The following ASIC2 variants were observed in gnomAD, a reference collection of about 807,000 sequenced individuals.
The protein encoded by ASIC2 is acid-sensing ion channel 2.
ASIC2 carries 25 observed loss-of-function variants against 57.3 expected under a neutral mutation model. The ratio of observed to expected loss-of-function variants is 0.44; its 90% CI spans 0.32 to 0.61. The LOEUF is 0.61. Ranked by LOEUF, ASIC2 falls within the 20% of genes least tolerant of loss-of-function variation. ASIC2 has a pLI of 0.06. For synonymous variants in ASIC2, 319 were observed against 307.5 expected (o/e 1.04, Z -0.39); for missense variants, 641 against 738.1 (o/e 0.87, Z 1.52).
chr17:33,134,386 A>G (rs1221949879), intron 1 of ASIC2, among the ~76,000 whole-genome samples: 1 of 152,188 alleles, frequency 6.6e-6, no homozygotes, highest in Non-Finnish European at 1.5e-5. Flanking sequence ...GATTGCCCCA[A>G]GGAGGACACT....
At chr17:33,464,683 CTCTCTA>C (rs1298246981) in intron 1 of ASIC2, among the ~76,000 whole-genome samples, 1 of 104,048 alleles carries the variant, frequency 9.6e-6, no homozygotes, top group African/African-American at 3.9e-5. Flanking sequence ...CTCTCTCTCT[CTCTCTA>C]TATATATATA....
chr17:33,206,926 G>A (rs1006491973), intron 1 of ASIC2, among the ~76,000 whole-genome samples: 3 of 152,142 alleles, frequency 2.0e-5, no homozygotes, highest in Admixed American at 1.3e-4. Context: ...ACGGGATGGG[G>A]AGCCATAGGA....
chr17:34,082,825 T>G (rs536602714), intron 1 of ASIC2, among the ~76,000 whole-genome samples: 2 of 152,218 alleles, frequency 1.3e-5, no homozygotes, highest in African/African-American at 4.8e-5. Flanking sequence ...GATGGTAAAG[T>G]AGTTGAGTTA....
intron 1 of ASIC2, among the ~76,000 whole-genome samples, chr17:33,203,154 C>T (rs1906941722): frequency 6.6e-6 from 1 of 152,190 alleles, no homozygotes; most frequent in African/African-American, 2.4e-5. Context: ...ACCCATAGCT[C>T]CACTAGTGCC....
intron 1 of ASIC2, among the ~76,000 whole-genome samples, chr17:33,365,646 T>C (rs1465931711): frequency 2.0e-5 from 3 of 152,212 alleles, no homozygotes; most frequent in Non-Finnish European, 4.4e-5. Context: ...CTTAAACAAG[T>C]CTTTATTCCT....
At chr17:33,078,169 G>A (rs1323028242) in intron 3 of ASIC2, among the ~76,000 whole-genome samples, 1 of 152,036 alleles carries the variant, frequency 6.6e-6, no homozygotes, top group Non-Finnish European at 1.5e-5. Flanking sequence ...CCTTTCTTCT[G>A]CCTGGGTCCA....
At chr17:33,428,531 TAGTC>T (rs1393310852) in intron 1 of ASIC2, among the ~76,000 whole-genome samples, 4 of 152,038 alleles carry the variant, frequency 2.6e-5, no homozygotes, top group Non-Finnish European at 2.9e-5. Flanking sequence ...AGTGGGCTGA[TAGTC>T]AGTTGTCTCA....
At chr17:33,100,590 T>A (rs1371218273) in intron 2 of ASIC2, among the ~76,000 whole-genome samples, 1 of 152,234 alleles carries the variant, frequency 6.6e-6, no homozygotes, top group East Asian at 1.9e-4. Flanking sequence ...CCAAACAGAC[T>A]GCAAATGCTT....
chr17:33,929,201 C>G (rs976413683), intron 1 of ASIC2, among the ~76,000 whole-genome samples: 1 of 152,122 alleles, frequency 6.6e-6, no homozygotes, highest in African/African-American at 2.4e-5. Context: ...GTTTTGTTCC[C>G]TCATTAGCTC....
At chr17:33,219,630 G>GTCC (rs1907622077) in intron 1 of ASIC2, among the ~76,000 whole-genome samples, 2 of 152,174 alleles carry the variant, frequency 1.3e-5, no homozygotes, top group African/African-American at 4.8e-5. Context: ...TTCCCAAACT[G>GTCC]TGTCCTGCGG....
chr17:34,004,344 A>T (rs1906452845), intron 1 of ASIC2: 1 of 152,206 alleles, frequency 6.6e-6, no homozygotes, highest in African/African-American at 2.4e-5. Flanking sequence ...CCCTCCCACC[A>T]CATCACTCAG....
intron 1 of ASIC2, among the ~76,000 whole-genome samples, chr17:33,779,190 G>T (rs1911373176): frequency 6.6e-6 from 1 of 152,022 alleles, no homozygotes; most frequent in South Asian, 2.1e-4. Flanking sequence ...AACACATTTG[G>T]CTTCCCAGGG....
rs987673045 is a variant in ASIC2 at position 33,029,003 on chromosome 17, G to A, written c.988-611C>T. Among the ~76,000 whole-genome samples, 21 of 152,284 alleles carry A rather than the reference G, an allele frequency of 1.4e-4. 1 individual carries two copies. In the Middle Eastern group the frequency reaches 0.014, roughly 99 times the overall value. On this transcript the variant is annotated intron_variant, in intron 3 of 9. Coordinates refer to ENST00000225823, the MANE Select transcript of ASIC2 (RefSeq NM_183377.2). The stretch of plus-strand genomic sequence containing the variant: ...AGAAAATTACATTCCTATTTTCAGA[G>A]GTCCAGTGATCATAAATGCTCTCAT...
intron 1 of ASIC2, among the ~76,000 whole-genome samples, chr17:33,239,303 T>C (rs1018524860): frequency 7.9e-5 from 12 of 151,286 alleles, no homozygotes; most frequent in African/African-American, 2.7e-4. Flanking sequence ...AAAAAAAAAG[T>C]CTTTGCTCAA....
At chr17:33,756,157 G>A (rs78765524) in intron 1 of ASIC2, among the ~76,000 whole-genome samples, 3,744 of 152,348 alleles carry the variant, frequency 0.025, 59 homozygotes, top group Middle Eastern at 0.041. Context: ...AGGATAAGTG[G>A]CATGGCCTTC....
intron 3 of ASIC2, among the ~76,000 whole-genome samples, chr17:33,036,395 GA>G (rs1448982074): frequency 2.6e-5 from 4 of 151,920 alleles, no homozygotes; most frequent in African/African-American, 9.7e-5. Context: ...GAGGGATGGA[GA>G]AACCCTCCAT....
chr17:33,619,720 G>C (rs1482797642), intron 1 of ASIC2, among the ~76,000 whole-genome samples: 4 of 152,152 alleles, frequency 2.6e-5, no homozygotes, highest in Non-Finnish European at 4.4e-5. Context: ...CCTCAAAACA[G>C]CTGCTAAACT....
intron 1 of ASIC2, among the ~76,000 whole-genome samples, chr17:33,203,058 G>C (rs1422252514): frequency 1.3e-5 from 2 of 152,192 alleles, no homozygotes; most frequent in Admixed American, 1.3e-4. Context: ...GCTCCAGTGA[G>C]CCCAGAAAAT....
chr17:33,604,241 G>A (rs967033814), intron 1 of ASIC2, among the ~76,000 whole-genome samples: 13 of 152,212 alleles, frequency 8.5e-5, no homozygotes, highest in African/African-American at 1.7e-4. Context: ...AGATTGGCCT[G>A]ACTCCAAAAT....
Sources: gnomAD v4.1 joint callset for allele counts (sites outside exome capture counted in the v4.1 genomes callset) on GRCh38, gnomAD v4.1.1 for gene constraint, MANE v1.5 for transcripts, NCBI Gene and HGNC (gene_info 2026-07-23, HGNC 2026-07-21) for gene names.